Variants in ARMC8 observed in about 807,000 individuals in gnomAD.
ARMC8 encodes the protein armadillo repeat-containing protein 8.
In ARMC8, 20 loss-of-function variants were observed where a neutral mutation model predicts 99.3. The observed-to-expected ratio is 0.20, with a 90% CI of 0.14 to 0.29. The LOEUF (loss-of-function observed/expected upper bound fraction) is 0.29. Ranked by LOEUF, ARMC8 falls within the 10% of genes least tolerant of loss-of-function variation. ARMC8 has a pLI of 1.00. For missense variants in ARMC8, 569 were observed against 809.5 expected, an observed-to-expected ratio of 0.70 and a Z score of 3.60; for synonymous variants, 263 against 278.3, an observed-to-expected ratio of 0.95 and a Z score of 0.55.
chr3:138,249,736 T>C (rs2047040222), intron 12 of ARMC8, among the ~76,000 whole-genome samples: 1 of 151,962 alleles, frequency 6.6e-6, no homozygotes, highest in South Asian at 2.1e-4. Flanking sequence ...GCCCACTGGG[T>C]AGAGGGAAGG....
At chr3:138,251,317 G>A (rs1218047610) in intron 12 of ARMC8, among the ~76,000 whole-genome samples, 2 of 152,108 alleles carry the variant, frequency 1.3e-5, no homozygotes, top group Non-Finnish European at 2.9e-5. Context: ...CATTTAAAGG[G>A]CACAGCATCA....
At chr3:138,205,060 C>CTTTTTTTTTTTTTTTTTTTT (rs71146118) in intron 1 of ARMC8, among the ~76,000 whole-genome samples, 1 of 93,284 alleles carries the variant, frequency 1.1e-5, no homozygotes, top group African/African-American at 4.4e-5. Context: ...CTTTTCTTTT[C>CTTTTTTTTTTTTTTTTTTTT]TTTTTTTTTT....
At chr3:138,253,576 T>C (rs1468770072) in intron 12 of ARMC8, among the ~76,000 whole-genome samples, 1 of 152,188 alleles carries the variant, frequency 6.6e-6, no homozygotes. Flanking sequence ...TACTACAAAC[T>C]GAGAGAACTT....
At chr3:138,195,363 T>G (rs1293991976) in intron 1 of ARMC8, among the ~76,000 whole-genome samples, 1 of 152,120 alleles carries the variant, frequency 6.6e-6, no homozygotes. Context: ...TTTCTAATCT[T>G]TAATGGCAGT....
chr3:138,239,868 T>G (rs2046523640), intron 10 of ARMC8, among the ~76,000 whole-genome samples: 1 of 152,220 alleles, frequency 6.6e-6, no homozygotes, highest in Non-Finnish European at 1.5e-5. Context: ...TACTACAGTT[T>G]TAGAGGCAGA....
intron 1 of ARMC8, among the ~76,000 whole-genome samples, chr3:138,191,608 G>A (rs1021124704): frequency 1.1e-4 from 17 of 152,022 alleles, no homozygotes; most frequent in African/African-American, 2.4e-4. Flanking sequence ...TTCCGTCACC[G>A]CAAAGATCTC....
At chr3:138,214,966 G>A (rs528385357) in intron 2 of ARMC8, among the ~76,000 whole-genome samples, 1 of 152,102 alleles carries the variant, frequency 6.6e-6, no homozygotes, top group African/African-American at 2.4e-5. Flanking sequence ...ATTTTTGAGG[G>A]TTATGGGTAA....
At position 138,237,531 on chromosome 3, in the gene ARMC8, G is replaced by A; in HGVS notation, c.735G>A (p.Gln245=). The A allele has an allele frequency of 6.2e-7, 1 of 1,613,796 alleles. No individual in the cohort carries two copies. The change falls in exon 9 of 22, where the codon CAG becomes CAA. Residue 245 remains glutamine, a synonymous_variant. Coordinates refer to ENST00000469044, the MANE Select transcript of ARMC8 (RefSeq NM_001363941.2). The part of the protein sequence containing the change: ...LLPQIFVKML[Q]RDKPIEMQLT... Reference sequence around the variant, plus strand: ...CACAGATTTTTGTGAAGATGTTACAGAGGGATAAGCCTATTGAGATGCAGC... The same window carrying A: ...CACAGATTTTTGTGAAGATGTTACAAAGGGATAAGCCTATTGAGATGCAGC...
chr3:138,229,167 T>TATATATATATAC (rs1559957873), intron 6 of ARMC8, 157 bp downstream of exon 6: 2 of 56,572 alleles, frequency 3.5e-5, no homozygotes, highest in African/African-American at 1.3e-4. Flanking sequence ...TATATATATA[T>TATATATATATAC]ATATATATAT....
intron 12 of ARMC8, among the ~76,000 whole-genome samples, chr3:138,250,837 T>C (rs755364945): frequency 4.6e-5 from 7 of 152,240 alleles, no homozygotes; most frequent in Admixed American, 1.3e-4. Context: ...TCTTTCTTAA[T>C]ATCTTTCTGC....
At chr3:138,194,259 G>C (rs1396963093) in intron 1 of ARMC8, among the ~76,000 whole-genome samples, 1 of 151,150 alleles carries the variant, frequency 6.6e-6, no homozygotes, top group South Asian at 2.1e-4. Flanking sequence ...TAGCCAGTAT[G>C]GTCTCGATCT....
intron 12 of ARMC8, among the ~76,000 whole-genome samples, chr3:138,248,572 T>A (rs921877073): frequency 6.6e-6 from 1 of 152,162 alleles, no homozygotes; most frequent in Admixed American, 6.5e-5. Flanking sequence ...GCATCCCCAG[T>A]CAGTGATTAA....
intron 10 of ARMC8, among the ~76,000 whole-genome samples, chr3:138,239,814 G>A (rs1393317040): frequency 6.6e-6 from 1 of 152,126 alleles, no homozygotes; most frequent in Non-Finnish European, 1.5e-5. Context: ...TACAATTCAG[G>A]TGAAACAGAA....
rs371255348 is a variant in ARMC8, at chr3:138,284,463, G to T, written c.1758G>T (p.Gly586=). The T allele has an allele frequency of 6.2e-7, 1 of 1,613,636 alleles. No individual in the cohort carries two copies. The highest frequency in any genetic ancestry group is 8.5e-7 in the Non-Finnish European group (1 of 1,179,730). Reference sequence around the variant, plus strand: ...GCATCTTAGCCAACATAGCGGATGGGACAACAGCAAAAGATCTTATTATGA... The same window carrying T: ...GCATCTTAGCCAACATAGCGGATGGTACAACAGCAAAAGATCTTATTATGA... ...TLCILANIAD[G]TTAKDLIMTN... The change falls in exon 19 of 22, where the codon GGG becomes GGT. Residue 586 remains glycine (G), a synonymous_variant. Coordinates refer to ENST00000469044, the MANE Select transcript of ARMC8 (RefSeq NM_001363941.2).
chr3:138,265,594 G>GA (rs2048201196), intron 14 of ARMC8, among the ~76,000 whole-genome samples: 2 of 152,168 alleles, frequency 1.3e-5, no homozygotes, highest in Non-Finnish European at 2.9e-5. Flanking sequence ...CATTCAGGCA[G>GA]GAAGAATATA....
intron 18 of ARMC8, 105 bp downstream of exon 18, chr3:138,274,649 G>A: frequency 1.3e-6 from 1 of 771,630 alleles, no homozygotes; most frequent in South Asian, 1.7e-5. Flanking sequence ...AGAGTGCTGA[G>A]ATGGGAGATG....
chr3:138,251,175 A>G (rs957121448), intron 12 of ARMC8, among the ~76,000 whole-genome samples: 2 of 152,128 alleles, frequency 1.3e-5, no homozygotes, highest in Admixed American at 1.3e-4. Flanking sequence ...TCAAAAAAAA[A>G]AAAAGATTGC....
At chr3:138,194,336 C>T (rs1320699901) in intron 1 of ARMC8, among the ~76,000 whole-genome samples, 1 of 146,836 alleles carries the variant, frequency 6.8e-6, no homozygotes, top group Admixed American at 6.9e-5. Flanking sequence ...AGCCACTGCG[C>T]CCAGCTTTTT....
intron 12 of ARMC8, among the ~76,000 whole-genome samples, chr3:138,259,778 T>TA (rs2047589699): frequency 6.6e-6 from 1 of 152,206 alleles, no homozygotes; most frequent in African/African-American, 2.4e-5. Context: ...TCAGGGACCA[T>TA]ACACCCCTAG....
Sources: allele counts gnomAD v4.1 joint callset (sites outside exome capture counted in the v4.1 genomes callset), GRCh38; gene constraint gnomAD v4.1.1; transcripts MANE v1.5; gene names NCBI Gene and HGNC (gene_info 2026-07-23, HGNC 2026-07-21).